The following SH3RF3 variants were observed in gnomAD, a reference collection of about 807,000 sequenced individuals.
SH3RF3 encodes E3 ubiquitin-protein ligase SH3RF3.
In SH3RF3, 29 loss-of-function variants were observed where a neutral mutation model predicts 66.3. The ratio of observed to expected loss-of-function variants is 0.44; its 90% CI spans 0.33 to 0.60. The LOEUF is 0.60. SH3RF3 is among the 20% of genes least tolerant of loss of function. SH3RF3 has a pLI of 0.04. For synonymous variants in SH3RF3, 583 were observed against 532.0 expected (o/e 1.10, Z -1.32); for missense variants, 1,194 against 1,190.9 (o/e 1.00, Z -0.04).
intron 3 of SH3RF3, among the ~76,000 whole-genome samples, chr2:109,393,699 C>G (rs1254274371): frequency 1.3e-5 from 2 of 151,952 alleles, no homozygotes; most frequent in Non-Finnish European, 2.9e-5. Flanking sequence ...CGCTCCCAAG[C>G]CCTGTCGCTC....
chr2:109,166,894 C>G (rs1677639780), intron 1 of SH3RF3, among the ~76,000 whole-genome samples: 1 of 152,248 alleles, frequency 6.6e-6, no homozygotes, highest in African/African-American at 2.4e-5. Flanking sequence ...GGGCTTACTA[C>G]TTTAAAACAT....
At chr2:109,373,920 G>A (rs918470259) in intron 3 of SH3RF3, among the ~76,000 whole-genome samples, 13 of 152,222 alleles carry the variant, frequency 8.5e-5, no homozygotes, top group East Asian at 1.9e-4. Context: ...CCGCAAGCAG[G>A]TGCAGGCCCG....
chr2:109,251,567 C>T (rs1050357172), intron 1 of SH3RF3: 32 of 819,558 alleles, frequency 3.9e-5, no homozygotes, highest in Middle Eastern at 7.0e-4. Flanking sequence ...GTGGAGATGG[C>T]GACTGGTGGG....
Position 109,298,868 on chromosome 2 carries a change from A to T in SH3RF3, c.574-48806A>T, listed in dbSNP as rs75585984. Among the ~76,000 whole-genome samples the T allele has an allele frequency of 7.9e-3, 1,211 of 152,332 alleles. 12 individuals are homozygous for T. The highest frequency in any genetic ancestry group is 0.037 in the East Asian group (190 of 5,174). On this transcript the variant is annotated intron_variant, in intron 1 of 9. Coordinates refer to ENST00000309415, the MANE Select transcript of SH3RF3 (RefSeq NM_001099289.3). ...TAGCATCTATTCTCAAACAGTGACC[A>T]GAGTGATCCTGTTGAAAGGGAAGGC...
At chr2:109,326,498 C>T (rs945436844) in intron 1 of SH3RF3, among the ~76,000 whole-genome samples, 3 of 152,172 alleles carry the variant, frequency 2.0e-5, no homozygotes, top group East Asian at 1.9e-4. Context: ...TGCGCCCTTG[C>T]CGACACTTGC....
chr2:109,149,334 C>G (rs1574475086), intron 1 of SH3RF3, among the ~76,000 whole-genome samples: 1 of 152,188 alleles, frequency 6.6e-6, no homozygotes, highest in African/African-American at 2.4e-5. Context: ...GACTTGAGCT[C>G]CTCTACTCCA....
At chr2:109,426,830 CAGCCACCCCCACCTTT>C (rs1416100260) in intron 5 of SH3RF3, among the ~76,000 whole-genome samples, 1 of 152,164 alleles carries the variant, frequency 6.6e-6, no homozygotes, top group African/African-American at 2.4e-5. Flanking sequence ...GAAGTTGCCA[CAGCCACCCCCACCTTT>C]AGCCACCACC....
chr2:109,456,277 G>C (rs972423452), intron 8 of SH3RF3, among the ~76,000 whole-genome samples: 7 of 152,250 alleles, frequency 4.6e-5, no homozygotes, highest in African/African-American at 1.7e-4. Context: ...GAGCACCGGC[G>C]ACTCCAGGTC....
At chr2:109,399,150 A>C (rs1436663835) in intron 4 of SH3RF3, among the ~76,000 whole-genome samples, 1 of 151,978 alleles carries the variant, frequency 6.6e-6, no homozygotes, top group Non-Finnish European at 1.5e-5. Context: ...CCTGGTTCAG[A>C]AGATGGCCTC....
intron 1 of SH3RF3, among the ~76,000 whole-genome samples, chr2:109,200,322 A>G (rs1275091316): frequency 6.6e-6 from 1 of 152,152 alleles, no homozygotes; most frequent in African/African-American, 2.4e-5. Context: ...ACCCTGCCGC[A>G]GAACTCACTA....
chr2:109,237,022 G>C (rs1276008996), intron 1 of SH3RF3, among the ~76,000 whole-genome samples: 4 of 152,148 alleles, frequency 2.6e-5, no homozygotes, highest in Non-Finnish European at 5.9e-5. Flanking sequence ...TTAGAAGGTA[G>C]AGAAGCCAAC....
chr2:109,195,747 G>A (rs773968185), intron 1 of SH3RF3, among the ~76,000 whole-genome samples: 30 of 152,104 alleles, frequency 2.0e-4, no homozygotes, highest in African/African-American at 6.8e-4. Context: ...CTGATAAGGC[G>A]TTTAAAAATA....
intron 8 of SH3RF3, among the ~76,000 whole-genome samples, chr2:109,460,604 G>A (rs1293969402): frequency 6.6e-6 from 1 of 152,212 alleles, no homozygotes; most frequent in African/African-American, 2.4e-5. Flanking sequence ...AATTACTAAA[G>A]TCCTCCTCTG....
intron 1 of SH3RF3, among the ~76,000 whole-genome samples, chr2:109,155,467 T>C (rs997108685): frequency 6.6e-6 from 1 of 152,076 alleles, no homozygotes; most frequent in Non-Finnish European, 1.5e-5. Context: ...CACGCCTGGC[T>C]AATTTTTGTA....
chr2:109,348,295 C>G (rs570942838), intron 2 of SH3RF3, among the ~76,000 whole-genome samples: 1 of 152,214 alleles, frequency 6.6e-6, no homozygotes, highest in Non-Finnish European at 1.5e-5. Context: ...AGCAGAATGA[C>G]GCCTTTCCAG....
intron 1 of SH3RF3, among the ~76,000 whole-genome samples, chr2:109,343,744 C>T (rs1263887829): frequency 7.0e-6 from 1 of 143,788 alleles, no homozygotes; most frequent in African/African-American, 2.6e-5. Context: ...CCCTGGTTTC[C>T]TTTTTTTTTT....
At chr2:109,411,225 C>T (rs1676580841) in intron 4 of SH3RF3, among the ~76,000 whole-genome samples, 1 of 152,186 alleles carries the variant, frequency 6.6e-6, no homozygotes, top group South Asian at 2.1e-4. Context: ...GAAAGTACAT[C>T]CAGGCAGTGC....
intron 1 of SH3RF3, among the ~76,000 whole-genome samples, chr2:109,165,475 G>A (rs1677599084): frequency 1.3e-5 from 2 of 152,190 alleles, no homozygotes; most frequent in Admixed American, 6.5e-5. Context: ...ATAGAGAGAA[G>A]TCTTAAGACA....
chr2:109,355,650 GGCCATTGGGA>G (rs1241668701), intron 2 of SH3RF3, among the ~76,000 whole-genome samples: 6 of 152,136 alleles, frequency 3.9e-5, no homozygotes, highest in Non-Finnish European at 8.8e-5. Context: ...TTTCCTCTTC[GGCCATTGGGA>G]GCCTCTGGTA....
Sources: gnomAD v4.1 joint callset for allele counts (sites outside exome capture counted in the v4.1 genomes callset) on GRCh38, gnomAD v4.1.1 for gene constraint, MANE v1.5 for transcripts, NCBI Gene and HGNC (gene_info 2026-07-23, HGNC 2026-07-21) for gene names.